ITSN1: variants seen among roughly 807,000 people sequenced by gnomAD.
ITSN1 encodes the protein intersectin 1.
A neutral mutation model predicts 239.8 loss-of-function variants in ITSN1; 58 were observed. That is an observed-to-expected ratio of 0.24 (90% CI 0.20 to 0.30). ITSN1 has a LOEUF of 0.30. Ranked by LOEUF, ITSN1 falls within the 10% of genes least tolerant of loss-of-function variation. The pLI is 1.00. For missense variants in ITSN1, 1,558 were observed against 2,103.3 expected, an observed-to-expected ratio of 0.74 and a Z score of 5.07; for synonymous variants, 780 against 770.8, an observed-to-expected ratio of 1.01 and a Z score of -0.20.
intron 34 of ITSN1, among the ~76,000 whole-genome samples, chr21:33,880,079 T>G (rs968518593): frequency 6.6e-6 from 1 of 152,158 alleles, no homozygotes; most frequent in African/African-American, 2.4e-5. Context: ...ACAGCGTCGT[T>G]GTTGTCTTGA....
In ITSN1 at chr21:33,755,266, CCT is replaced by C. The variant is rs549075193; in HGVS notation, c.624-28_624-27del. ...TACCAGGCTGTTCCTTATGGATAATCCTCTTTCTCTCCTTTTTCTTTTCCCCA... is the reference window on the plus strand; with the variant it reads ...TACCAGGCTGTTCCTTATGGATAATCCTTTCTCTCCTTTTTCTTTTCCCCA... On this transcript the variant is annotated intron_variant, in intron 7 of 39. Coordinates refer to ENST00000381318, the MANE Select transcript of ITSN1 (RefSeq NM_003024.3). The C allele has an allele frequency of 7.0e-5, 95 of 1,352,358 alleles. No homozygotes were observed. The South Asian group carries it at 1.1e-3, about 16-fold the overall frequency. 83.8% of individuals were successfully genotyped at this position (1,352,358 alleles called of 1,614,324 possible).
intron 29 of ITSN1, among the ~76,000 whole-genome samples, chr21:33,842,498 GT>G (rs2074858605): frequency 2.1e-5 from 1 of 46,888 alleles, no homozygotes; most frequent in African/African-American, 1.0e-4. Context: ...TGTCAACGGT[GT>G]GTGTGTGTGT....
intron 1 of ITSN1, among the ~76,000 whole-genome samples, chr21:33,661,036 C>A (rs1003898175): frequency 1.3e-5 from 2 of 152,204 alleles, no homozygotes; most frequent in Non-Finnish European, 2.9e-5. Context: ...GAGAAGCAGT[C>A]TAGCTCATAA....
rs1986358281 is a variant in ITSN1 at position 33,891,429 on chromosome 21, G to T, written c.*3129G>T. 2 of 151,786 alleles carry T rather than the reference G, an allele frequency of 1.3e-5. No individual in the cohort carries two copies. Among genetic ancestry groups the T allele is most frequent in the African/African-American group, 4.8e-5 (2 of 41,300 alleles). 9.4% of individuals were successfully genotyped at this position (151,786 alleles called of 1,614,324 possible). ...TGTATGAAACTAACTGATTTCTTTGGGTAGAGTAGCCCTGAATTTAACTGG... is the reference window on the plus strand; with the variant it reads ...TGTATGAAACTAACTGATTTCTTTGTGTAGAGTAGCCCTGAATTTAACTGG... On this transcript the variant is annotated 3_prime_UTR_variant, in exon 40 of 40. Transcript: ENST00000381318.
intron 1 of ITSN1, among the ~76,000 whole-genome samples, chr21:33,688,522 G>C (rs1006725295): frequency 2.6e-5 from 4 of 152,148 alleles, no homozygotes; most frequent in Non-Finnish European, 5.9e-5. Context: ...TGCTTTTTAT[G>C]GGCCAAACCA....
chr21:33,877,824 T>C (rs958178034), intron 34 of ITSN1, among the ~76,000 whole-genome samples: 1 of 122,146 alleles, frequency 8.2e-6, no homozygotes, highest in Non-Finnish European at 1.6e-5. Context: ...TTGTTTCTAT[T>C]TTGTGTGTGT....
chr21:33,651,069 G>A (rs569997345), intron 1 of ITSN1, among the ~76,000 whole-genome samples: 38 of 152,368 alleles, frequency 2.5e-4, no homozygotes, highest in African/African-American at 3.6e-4. Context: ...CTAGAGCAGC[G>A]CCTGCTGCCT....
At chr21:33,802,592 T>TA (rs748613266) in intron 20 of ITSN1, 148 bp downstream of exon 20, 4 of 705,930 alleles carry the variant, frequency 5.7e-6, no homozygotes, top group Admixed American at 2.7e-5. Context: ...GTTGTGCTTT[T>TA]TAAAAAAAAA....
At chr21:33,694,987 T>A (rs1005225726) in intron 1 of ITSN1, among the ~76,000 whole-genome samples, 7 of 152,194 alleles carry the variant, frequency 4.6e-5, no homozygotes, top group Non-Finnish European at 1.5e-5. Context: ...TGTATTTGTT[T>A]TTTTTATTTG....
chr21:33,896,613 C>T lies in ITSN1; in HGVS notation c.*8313C>T, dbSNP rs1310402911. On this transcript the variant is annotated 3_prime_UTR_variant, in exon 40 of 40. Coordinates refer to ENST00000381318, the MANE Select transcript of ITSN1 (RefSeq NM_003024.3). ...CCCAGCTAGACTCTCCCCTTAGGAT[C>T]CCATGTATGGGGATGGTAGGAGAGA... is the stretch of plus-strand genomic sequence containing the variant. 6 of 152,228 alleles carry T rather than the reference C, an allele frequency of 3.9e-5. No homozygotes were observed. The highest frequency in any genetic ancestry group is 1.4e-4 in the African/African-American group (6 of 41,452). 9.4% of individuals were successfully genotyped at this position (152,228 alleles called of 1,614,324 possible). A position where few individuals can be genotyped will look rare whatever the true frequency, so the allele number is the denominator to read the frequency against.
intron 1 of ITSN1, among the ~76,000 whole-genome samples, chr21:33,708,588 G>A (rs2092321858): frequency 6.6e-6 from 1 of 151,970 alleles, no homozygotes; most frequent in Non-Finnish European, 1.5e-5. Flanking sequence ...GTTTCTCCAT[G>A]TTGGTCAGGC....
rs139843485 is a variant in ITSN1 at position 33,856,857 on chromosome 21, G to A, written c.3783G>A (p.Glu1261=). The change falls in exon 30 of 40, where the codon GAG becomes GAA. Residue 1261 remains glutamate (E), a splice_region_variant and synonymous_variant. Coordinates refer to ENST00000381318, the MANE Select transcript of ITSN1 (RefSeq NM_003024.3). Reference sequence around the variant, plus strand: ...TGAATGACCTGCAGCTGGTCACAGAGGTAAGGGAGCTGGTGGGGCAGGGGG... The same window carrying A: ...TGAATGACCTGCAGCTGGTCACAGAAGTAAGGGAGCTGGTGGGGCAGGGGG... The part of the protein sequence containing the change: ...NYVNDLQLVT[E]IFQKPLMESE... The A allele has an allele frequency of 1.9e-6, 3 of 1,613,946 alleles. No homozygotes were observed. Among genetic ancestry groups the A allele is most frequent in the Non-Finnish European group, 2.5e-6 (3 of 1,179,974 alleles).
At chr21:33,858,497 C>T (rs1336023764) in intron 30 of ITSN1, among the ~76,000 whole-genome samples, 189 bp from the exon 31 acceptor site, 1 of 152,150 alleles carries the variant, frequency 6.6e-6, no homozygotes, top group Non-Finnish European at 1.5e-5. Context: ...TGGGGACCCC[C>T]CTCCGGTTTC....
chr21:33,810,196 G>A (rs2072801818), intron 20 of ITSN1, among the ~76,000 whole-genome samples: 1 of 152,144 alleles, frequency 6.6e-6, no homozygotes, highest in Non-Finnish European at 1.5e-5. Flanking sequence ...GAATCGTTTT[G>A]GCCATTTTGG....
chr21:33,854,667 G>T (rs2148471521), intron 29 of ITSN1, among the ~76,000 whole-genome samples: 1 of 152,358 alleles, frequency 6.6e-6, no homozygotes, highest in African/African-American at 2.4e-5. Context: ...TCCTTCCTGA[G>T]AGTTCATTGT....
intron 35 of ITSN1, among the ~76,000 whole-genome samples, chr21:33,883,239 CGGG>C (rs1430329740): frequency 2.0e-5 from 3 of 152,154 alleles, no homozygotes; most frequent in Non-Finnish European, 4.4e-5. Context: ...AAATCGTGGG[CGGG>C]GGAACCCATA....
intron 20 of ITSN1, among the ~76,000 whole-genome samples, chr21:33,808,526 A>C (rs575578092): frequency 6.6e-6 from 1 of 152,068 alleles, no homozygotes; most frequent in Admixed American, 6.6e-5. Flanking sequence ...CAGAGGTTGC[A>C]GTGAGCTGAG....
intron 30 of ITSN1, 43 bp downstream of exon 30, chr21:33,856,900 A>T (rs749294654): frequency 4.3e-5 from 68 of 1,578,104 alleles, no homozygotes; most frequent in Non-Finnish European, 5.7e-5. Flanking sequence ...GGGGGCGATG[A>T]CGGAGGGAGA....
chr21:33,671,282 G>GT (rs2090258221), intron 1 of ITSN1, among the ~76,000 whole-genome samples: 1 of 151,766 alleles, frequency 6.6e-6, no homozygotes, highest in South Asian at 2.1e-4. Context: ...TTTTTTTCTT[G>GT]TTTTTTGTTT....
Sources: allele counts gnomAD v4.1 joint callset (sites outside exome capture counted in the v4.1 genomes callset), GRCh38; gene constraint gnomAD v4.1.1; transcripts MANE v1.5; gene names NCBI Gene and HGNC (gene_info 2026-07-23, HGNC 2026-07-21).